The following SRL variants were observed in gnomAD, a reference collection of about 807,000 sequenced individuals.
The protein encoded by SRL is sarcalumenin.
In SRL, 23 loss-of-function variants were observed where a neutral mutation model predicts 39.5. The ratio of observed to expected loss-of-function variants is 0.58; its 90% confidence interval spans 0.42 to 0.82. SRL has a LOEUF of 0.82. SRL is among the 40% of genes least tolerant of loss of function. SRL has a pLI of 0.00. For missense variants in SRL, 592 were observed against 607.8 expected, an observed-to-expected ratio of 0.97 and a Z score of 0.27; for synonymous variants, 272 against 237.4, an observed-to-expected ratio of 1.15 and a Z score of -1.34.
chr16:4,240,240 T>C (rs887205365), intron 1 of SRL, among the ~76,000 whole-genome samples: 1 of 150,848 alleles, frequency 6.6e-6, no homozygotes, highest in Non-Finnish European at 1.5e-5. Context: ...GGGAAAGAGG[T>C]CAGGAGCCAA....
chr16:4,217,274 C>G (rs939792680), intron 1 of SRL, among the ~76,000 whole-genome samples: 1 of 152,068 alleles, frequency 6.6e-6, no homozygotes, highest in Non-Finnish European at 1.5e-5. Context: ...TTTTACAGAC[C>G]CTGTCCCTTA....
rs1376359101 is a variant in SRL, at chr16:4,189,948, G to A, written c.*2205C>T. The A allele has an allele frequency of 4.5e-6, 1 of 223,798 alleles. No homozygotes were observed. Among genetic ancestry groups the A allele is most frequent in the Non-Finnish European group, 8.7e-6 (1 of 115,448 alleles). The allele number at this position is 223,798 out of a possible 1,614,324, so 13.9% of individuals were successfully genotyped here. On this transcript the variant is annotated 3_prime_UTR_variant, in exon 6 of 6. Coordinates refer to ENST00000399609, the MANE Select transcript of SRL (RefSeq NM_001098814.2). Reference sequence around the variant, plus strand: ...CCAAGAGGGCAGACAGTACAGAGATGAGGCGAGGGGTTCTGGGGTTTGCGG... The same window carrying A: ...CCAAGAGGGCAGACAGTACAGAGATAAGGCGAGGGGTTCTGGGGTTTGCGG...
At position 4,192,286 on chromosome 16, in the gene SRL, T is replaced by C; in HGVS notation, c.1289A>G (p.Lys430Arg). 1 of 1,614,154 alleles carries C rather than the reference T, an allele frequency of 6.2e-7. No individual in the cohort carries two copies. Among genetic ancestry groups the C allele is most frequent in the Non-Finnish European group, 8.5e-7 (1 of 1,180,010 alleles). ...CSYMGGCFLE[K>R]IERAITQELP... ...CTCCTGAGTGATGGCCCGCTCAATC[T>C]TCTCCAGAAAGCAACCTCCCATGTA... Residue 430 changes from lysine to arginine, a missense_variant, in exon 6 of 6, where the codon AAG becomes AGG. By Grantham distance (26) the Lys-to-Arg change is conservative (BLOSUM62 2). Transcript: ENST00000399609. This position sits in a 1 kb window ranked among gnomAD's most constrained non-coding sequence, Gnocchi z 4.0.
In SRL at chr16:4,235,985, G is replaced by A. The variant is rs369854898; in HGVS notation, c.61+6022C>T. On this transcript the variant is annotated intron_variant, in intron 1 of 5. Transcript: ENST00000399609. ...GGCTACTCGGGAGGCTGAGGTGGGA[G>A]GATTGCTTGAGCCCAGGAGGTGGAG... 8.5e-5 allele frequency among the ~76,000 whole-genome samples: 13 copies of A among 152,176 alleles called. No homozygotes were observed. The South Asian group carries it at 1.7e-3, about 19-fold the overall frequency.
chr16:4,222,074 T>C (rs2052536704), intron 1 of SRL, among the ~76,000 whole-genome samples: 1 of 152,136 alleles, frequency 6.6e-6, no homozygotes, highest in African/African-American at 2.4e-5. Flanking sequence ...GGGGATGCAA[T>C]CCAACCCATA....
chr16:4,218,702 G>C (rs915371115), intron 1 of SRL, among the ~76,000 whole-genome samples: 5 of 152,220 alleles, frequency 3.3e-5, no homozygotes, highest in Non-Finnish European at 7.3e-5. Context: ...CACACCCAGA[G>C]TGCCAGACAA....
At chr16:4,198,056 T>A in intron 3 of SRL, 141 bp from the exon 4 acceptor site, 1 of 651,188 alleles carries the variant, frequency 1.5e-6, no homozygotes, top group Non-Finnish European at 2.8e-6. Flanking sequence ...TAGCCCCCAG[T>A]GGCGCTTCTC....
intron 4 of SRL, among the ~76,000 whole-genome samples, chr16:4,196,099 T>A (rs2052137528): frequency 6.6e-6 from 1 of 152,010 alleles, no homozygotes; most frequent in Non-Finnish European, 1.5e-5. Context: ...TAGCTGAGAT[T>A]ACAGGCACTC....
intron 1 of SRL, among the ~76,000 whole-genome samples, chr16:4,213,404 CTTTT>C (rs1176583909): frequency 2.3e-4 from 16 of 69,580 alleles, no homozygotes; most frequent in African/African-American, 9.8e-4. Flanking sequence ...TTTTCTTTTT[CTTTT>C]TTTTTTTTTT....
intron 1 of SRL, among the ~76,000 whole-genome samples, chr16:4,221,036 C>T (rs2052523986): frequency 6.6e-6 from 1 of 151,030 alleles, no homozygotes; most frequent in African/African-American, 2.4e-5. Flanking sequence ...TCGCCTGGGA[C>T]CATGGGCTAT....
chr16:4,222,306 C>G (rs2052539775), intron 1 of SRL, among the ~76,000 whole-genome samples: 1 of 152,212 alleles, frequency 6.6e-6, no homozygotes. Context: ...CAGGGTCTCA[C>G]TCTTGTAACC....
In SRL at chr16:4,192,428, TC is replaced by T. The variant is rs777423004; in HGVS notation, c.1146del (p.Thr383ProfsTer111). ...VEDPDKFYIF[K>X]TILAKTNVSK... ...CTGACATTGGTCTTTGCCAGGATGG[TC>T]TTGAAGATGTAGAATTTATCGGGAT... On this transcript the variant is annotated frameshift_variant, in exon 6 of 6. Coordinates refer to ENST00000399609, the MANE Select transcript of SRL (RefSeq NM_001098814.2). LOFTEE classifies it high-confidence loss of function. This position sits in a 1 kb window ranked among gnomAD's most constrained non-coding sequence, Gnocchi z 4.0. 10 of 1,614,100 alleles carry T rather than the reference TC, an allele frequency of 6.2e-6. No homozygotes were observed. The South Asian group carries it at 1.1e-4, about 18-fold the overall frequency.
At chr16:4,204,423 T>TCCAAGATACAGCCCCGGCCA in intron 2 of SRL, 110 bp downstream of exon 2, 1 of 1,004,284 alleles carries the variant, frequency 1.0e-6, no homozygotes, top group Non-Finnish European at 1.5e-6. Flanking sequence ...AGCCCCGGCC[T>TCCAAGATACAGCCCCGGCCA]CCAAGATACA....
At chr16:4,237,194 C>T (rs763971280) in intron 1 of SRL, among the ~76,000 whole-genome samples, 14 of 150,978 alleles carry the variant, frequency 9.3e-5, no homozygotes, top group Non-Finnish European at 1.5e-4. Context: ...CCTCTGCCTC[C>T]GCCTCCCAAA....
rs372843167 is a variant in SRL at position 4,236,650 on chromosome 16, CT to C, written c.61+5356del. Among the ~76,000 whole-genome samples, 1,112 of 147,182 alleles carry C rather than the reference CT, an allele frequency of 7.6e-3. 12 individuals carry two copies. Among genetic ancestry groups the C allele is most frequent in the African/African-American group, 0.025 (1,026 of 40,360 alleles). On this transcript the variant is annotated intron_variant, in intron 1 of 5. Transcript: ENST00000399609. ...AATCTTCATAATGACCCAAACTGAA[CT>C]TTTTTTTTTTGAGACAGAGTCTTGC...
At chr16:4,230,432 GTA>G (rs1411067431) in intron 1 of SRL, among the ~76,000 whole-genome samples, 3 of 150,392 alleles carry the variant, frequency 2.0e-5, no homozygotes, top group Admixed American at 6.6e-5. Context: ...CCAGGCTGGA[GTA>G]TGGTGGTGCG....
chr16:4,204,355 T>C (rs1304309722), intron 2 of SRL, among the ~76,000 whole-genome samples, 178 bp downstream of exon 2: 1 of 77,636 alleles, frequency 1.3e-5, no homozygotes, highest in African/African-American at 3.8e-5. Flanking sequence ...CCACGAAGCC[T>C]CCCACCTTCA....
chr16:4,228,668 G>C (rs2098420867), intron 1 of SRL, among the ~76,000 whole-genome samples: 1 of 151,982 alleles, frequency 6.6e-6, no homozygotes, highest in African/African-American at 2.4e-5. Flanking sequence ...CCAGGAGGCG[G>C]AGCTTGCAGT....
intron 3 of SRL, among the ~76,000 whole-genome samples, chr16:4,198,513 A>G (rs1027773357): frequency 2.0e-5 from 3 of 151,906 alleles, no homozygotes; most frequent in African/African-American, 7.3e-5. Flanking sequence ...CAGTGGTGCA[A>G]TTGTGCCCCA....
Sources: gnomAD v4.1 joint callset for allele counts (sites outside exome capture counted in the v4.1 genomes callset) on GRCh38, gnomAD v4.1.1 for gene constraint, Gnocchi (gnomAD v3.1) non-coding constraint, MANE v1.5 for transcripts, NCBI Gene and HGNC (gene_info 2026-07-23, HGNC 2026-07-21) for gene names.